The following CCDC30 variants were observed in gnomAD, a reference collection of about 807,000 sequenced individuals.
The protein encoded by CCDC30 is coiled-coil domain-containing protein 30.
Under a neutral mutation model 100.2 loss-of-function variants are expected in CCDC30, and 70 were observed. The observed-to-expected ratio is 0.70, with a 90% CI of 0.58 to 0.85. The LOEUF (loss-of-function observed/expected upper bound fraction) is 0.85, where lower values mean the gene tolerates loss of function less well. Among genes scored for constraint, CCDC30 ranks in the 40% least tolerant of loss-of-function variants. The probability of loss-of-function intolerance (pLI) is 0.00; values close to 1 mark genes in which losing one functional copy is unlikely to be tolerated. For missense variants in CCDC30, 652 were observed against 771.2 expected (o/e 0.85, Z 1.83); for synonymous variants, 233 against 269.5 (o/e 0.86, Z 1.33).
intron 6 of CCDC30, among the ~76,000 whole-genome samples, chr1:42,538,837 GATAAT>G (rs1644958901): frequency 6.6e-6 from 1 of 152,200 alleles, no homozygotes; most frequent in South Asian, 2.1e-4. Flanking sequence ...CTTAGAAACA[GATAAT>G]ATAACTATTG....
rs115487899 is a variant in CCDC30, at chr1:42,493,880, A to G, written c.242-3218A>G. 4.0e-3 allele frequency among the ~76,000 whole-genome samples: 604 copies of G among 152,294 alleles called. 3 individuals carry two copies. Among genetic ancestry groups the G allele is most frequent in the African/African-American group, 0.014 (576 of 41,556 alleles). On this transcript the variant is annotated intron_variant, in intron 4 of 16. Coordinates refer to ENST00000668663, the Ensembl canonical transcript of CCDC30. ...TACCAAACCTCAGCTAAGAAGAAAT[A>G]GCTCTAAATCTATGTAAAGAGGCGG...
At chr1:42,610,635 G>A (rs981190102) in intron 10 of CCDC30, among the ~76,000 whole-genome samples, 12 of 152,162 alleles carry the variant, frequency 7.9e-5, no homozygotes, top group African/African-American at 2.9e-4. Context: ...ATATTGCCCA[G>A]CCTGGTCTCA....
chr1:42,476,867 G>C (rs1466509623), intron 1 of CCDC30, among the ~76,000 whole-genome samples: 2 of 147,612 alleles, frequency 1.4e-5, no homozygotes, highest in Non-Finnish European at 3.0e-5. Context: ...TCTTTTACAA[G>C]AGTTCGTTGA....
upstream of CCDC30, chr1:42,459,337 A>G (rs1340219817): frequency 7.6e-6 from 3 of 393,520 alleles, no homozygotes; most frequent in African/African-American, 6.1e-5. Context: ...TAATTTTTGT[A>G]TTTTTTTGTA....
downstream of CCDC30, among the ~76,000 whole-genome samples, chr1:42,657,024 G>A (rs1648688611): frequency 6.6e-6 from 1 of 152,140 alleles, no homozygotes; most frequent in African/African-American, 2.4e-5. Flanking sequence ...AGTTGGAGGA[G>A]ACCAAGAGGA....
intron 15 of CCDC30, among the ~76,000 whole-genome samples, 161 bp from the exon 20 acceptor site, chr1:42,653,215 G>T (rs1478235361): frequency 1.3e-5 from 2 of 152,080 alleles, no homozygotes; most frequent in Non-Finnish European, 2.9e-5. Context: ...TATATAGAGA[G>T]AGAGAGGGCA....
At chr1:42,651,990 TC>T (rs1172431974) in intron 15 of CCDC30, among the ~76,000 whole-genome samples, 2 of 152,160 alleles carry the variant, frequency 1.3e-5, no homozygotes, top group African/African-American at 4.8e-5. Flanking sequence ...CTGTGGAGTT[TC>T]CCCAACAAAG....
intron 6 of CCDC30, among the ~76,000 whole-genome samples, chr1:42,554,605 A>C (rs16829685): frequency 0.14 from 20,639 of 152,090 alleles, 1,540 homozygotes; most frequent in East Asian, 0.17. Context: ...TGCCAAATTG[A>C]TTTCTTGAAG....
chr1:42,482,860 T>G (rs1643984986), intron 3 of CCDC30, 44 bp downstream of exon 3: 2 of 1,185,782 alleles, frequency 1.7e-6, no homozygotes, highest in Non-Finnish European at 2.1e-6. Flanking sequence ...ATGCTTTAAC[T>G]GTACTGATCT....
chr1:42,636,443 A>C (rs1236767937), intron 11 of CCDC30, among the ~76,000 whole-genome samples: 1 of 152,206 alleles, frequency 6.6e-6, no homozygotes, highest in Admixed American at 6.6e-5. Context: ...GACTCAATGC[A>C]AGGACTGAGA....
intron 6 of CCDC30, among the ~76,000 whole-genome samples, chr1:42,523,708 G>T (rs10159165): frequency 0.24 from 37,036 of 151,950 alleles, 4,901 homozygotes; most frequent in South Asian, 0.42. Flanking sequence ...GGACTCCCCA[G>T]TGTGTATGTT....
intron 10 of CCDC30, among the ~76,000 whole-genome samples, chr1:42,608,483 C>T (rs1451721798): frequency 2.0e-5 from 3 of 152,036 alleles, no homozygotes; most frequent in Non-Finnish European, 2.9e-5. Context: ...GGGCGGATCA[C>T]GAGGTCAGGA....
chr1:42,580,500 A>G (rs904023239), intron 8 of CCDC30, among the ~76,000 whole-genome samples: 9 of 152,210 alleles, frequency 5.9e-5, no homozygotes, highest in African/African-American at 2.2e-4. Context: ...GCCGAAATCT[A>G]TTCATTCAAT....
chr1:42,581,611 C>A (rs930083320), intron 9 of CCDC30, 97 bp downstream of exon 13: 1 of 1,120,448 alleles, frequency 8.9e-7, no homozygotes, highest in Non-Finnish European at 1.3e-6. Flanking sequence ...GAGAGTATTT[C>A]TGCTCTGTCC....
chr1:42,471,638 T>C (rs1303957027), intron 1 of CCDC30, among the ~76,000 whole-genome samples: 1 of 152,024 alleles, frequency 6.6e-6, no homozygotes, highest in African/African-American at 2.4e-5. Context: ...TCAAAGACCT[T>C]GTAGGGAGAA....
intron 10 of CCDC30, among the ~76,000 whole-genome samples, chr1:42,609,373 A>G (rs754860672): frequency 6.6e-6 from 1 of 152,174 alleles, no homozygotes; most frequent in Non-Finnish European, 1.5e-5. Flanking sequence ...TTAACTGCTT[A>G]TGTTGTTGAT....
chr1:42,636,220 C>T (rs1054827752), intron 11 of CCDC30, among the ~76,000 whole-genome samples: 1 of 151,966 alleles, frequency 6.6e-6, no homozygotes, highest in Non-Finnish European at 1.5e-5. Flanking sequence ...GAGTTTAAGA[C>T]CTGCCTGGGC....
intron 6 of CCDC30, among the ~76,000 whole-genome samples, chr1:42,506,064 T>C (rs1644390232): frequency 6.6e-6 from 1 of 152,212 alleles, no homozygotes; most frequent in Non-Finnish European, 1.5e-5. Context: ...AACCAGGCAA[T>C]GAGAAAGAAG....
At chr1:42,552,589 A>G (rs1315598213) in intron 6 of CCDC30, among the ~76,000 whole-genome samples, 1 of 151,148 alleles carries the variant, frequency 6.6e-6, no homozygotes, top group African/African-American at 2.4e-5. Context: ...GGAAAAATAT[A>G]CTTTAAATGG....
Sources: gnomAD v4.1 joint callset for allele counts (sites outside exome capture counted in the v4.1 genomes callset) on GRCh38, gnomAD v4.1.1 for gene constraint, MANE v1.5 for transcripts, NCBI Gene and HGNC (gene_info 2026-07-23, HGNC 2026-07-21) for gene names.